NPEPPS: variants seen among roughly 807,000 people sequenced by gnomAD.
The protein encoded by NPEPPS is puromycin-sensitive aminopeptidase.
In NPEPPS, 14 loss-of-function variants were observed where a neutral mutation model predicts 115.5. The observed-to-expected ratio is 0.12, with a 90% CI of 0.08 to 0.19. NPEPPS has a LOEUF of 0.19. Ranked by LOEUF, NPEPPS falls within the 10% of genes least tolerant of loss-of-function variation. The probability of loss-of-function intolerance (pLI) is 1.00; values close to 1 mark genes in which losing one functional copy is unlikely to be tolerated. For missense variants in NPEPPS, 523 were observed against 1,110.8 expected (o/e 0.47, Z 7.52); for synonymous variants, 285 against 390.6 (o/e 0.73, Z 3.19).
intron 2 of NPEPPS, among the ~76,000 whole-genome samples, chr17:47,564,408 A>G (rs1208370814): frequency 6.6e-6 from 1 of 151,908 alleles, no homozygotes; most frequent in East Asian, 1.9e-4. Context: ...TATGATTTTA[A>G]TTTTATAGGT....
rs1914342769 is a variant in NPEPPS, at chr17:47,618,400, C to A, written c.2346C>A (p.Val782=). The A allele has an allele frequency of 1.2e-6, 2 of 1,613,676 alleles. No individual in the cohort carries two copies. Among genetic ancestry groups the A allele is most frequent in the Admixed American group, 3.3e-5 (2 of 59,976 alleles). The change falls in exon 20 of 23, where the codon GTC becomes GTA. Residue 782 remains valine, a synonymous_variant. Transcript: ENST00000322157. ...MQEEKNRIER[V]LGATLLPDLI... ...AAGAGAAAAACCGAATCGAAAGAGT[C>A]CTTGGCGCTACTCTTTTGCCTGACC...
chr17:47,621,961 C>T lies in NPEPPS; in HGVS notation c.*41C>T. On this transcript the variant is annotated 3_prime_UTR_variant, in exon 23 of 23. Coordinates refer to ENST00000322157, the MANE Select transcript of NPEPPS (RefSeq NM_006310.4). ...CATTGGCGGTTCTGCTGCTTCGCTG[C>T]AGGGATAAGGTGGAGCTACCGAACA... 1 of 1,564,786 alleles carries T rather than the reference C, an allele frequency of 6.4e-7. No homozygotes were observed. The highest frequency in any genetic ancestry group is 8.7e-7 in the Non-Finnish European group (1 of 1,151,810).
At chr17:47,602,007 A>G (rs1027495476) in intron 15 of NPEPPS, 2 of 371,638 alleles carry the variant, frequency 5.4e-6, no homozygotes, top group African/African-American at 2.2e-5. Context: ...GTAAGCATAT[A>G]TGAACCAAAA....
chr17:47,590,466 A>G (rs1345788789), intron 9 of NPEPPS, among the ~76,000 whole-genome samples: 4 of 151,850 alleles, frequency 2.6e-5, no homozygotes, highest in Admixed American at 6.5e-5. Context: ...CAAAAAAAAA[A>G]AAAAGAAAAG....
chr17:47,617,892 A>G (rs892434390), intron 19 of NPEPPS, among the ~76,000 whole-genome samples: 1 of 150,466 alleles, frequency 6.6e-6, no homozygotes, highest in Non-Finnish European at 1.5e-5. Context: ...TTTTTCTTTT[A>G]TTTTTGAGAC....
chr17:47,584,399 A>C (rs577743484), intron 5 of NPEPPS, among the ~76,000 whole-genome samples: 2 of 152,288 alleles, frequency 1.3e-5, no homozygotes, highest in African/African-American at 4.8e-5. Context: ...TGAACAGGGT[A>C]AGCATTCCCC....
chr17:47,613,852 A>T, intron 19 of NPEPPS, 127 bp downstream of exon 19: 1 of 630,176 alleles, frequency 1.6e-6, no homozygotes, highest in Admixed American at 3.2e-5. Context: ...ACATGCAAGT[A>T]TTTTAAAACT....
intron 1 of NPEPPS, among the ~76,000 whole-genome samples, chr17:47,534,729 C>T (rs1027649489): frequency 6.6e-6 from 1 of 151,534 alleles, no homozygotes; most frequent in Non-Finnish European, 1.5e-5. Context: ...CCATCACGCC[C>T]AACTAATTTT....
In NPEPPS at chr17:47,612,598, G is replaced by A; in HGVS notation, c.2234G>A (p.Ser745Asn). The change falls in exon 18 of 23, where the codon AGT becomes AAT. Residue 745 changes from serine to asparagine, a missense_variant. By Grantham distance (46) the Ser-to-Asn change is conservative (BLOSUM62 1). This residue lies in a region of NPEPPS where 372 missense variants were observed against 542.6 expected (regional missense o/e 0.69). Transcript: ENST00000322157. ...GKQILSADLR[S>N]PVYLTVLKHG... Reference sequence around the variant, plus strand: ...CAGATTCTCTCCGCTGATCTGAGGAGTCCTGTAGGTTTTCATCATAAATTC... The same window carrying A: ...CAGATTCTCTCCGCTGATCTGAGGAATCCTGTAGGTTTTCATCATAAATTC... 1.2e-6 allele frequency: 2 copies of A among 1,611,924 alleles called. No homozygotes were observed. Among genetic ancestry groups the A allele is most frequent in the South Asian group, 1.1e-5 (1 of 90,902 alleles).
rs762882775 is a variant in NPEPPS, at chr17:47,592,532, G to A, written c.1413G>A (p.Lys471=). ...MNMYLTKFQQ[K]NAATEDLWES... Reference sequence around the variant, plus strand: ...TGTATTTAACCAAGTTCCAACAAAAGAATGCTGCCACAGGTAATCTCTAAT... The same window carrying A: ...TGTATTTAACCAAGTTCCAACAAAAAAATGCTGCCACAGGTAATCTCTAAT... Residue 471 remains lysine, a synonymous_variant, in exon 12 of 23, where the codon AAG becomes AAA. Coordinates refer to ENST00000322157, the MANE Select transcript of NPEPPS (RefSeq NM_006310.4). 1.6e-5 allele frequency: 25 copies of A among 1,595,216 alleles called. No individual in the cohort carries two copies. Among genetic ancestry groups the A allele is most frequent in the Non-Finnish European group, 2.1e-5 (25 of 1,170,072 alleles).
Position 47,558,076 on chromosome 17 carries a change from G to A in NPEPPS, c.341-11341G>A, listed in dbSNP as rs563477059. 1.1e-3 allele frequency among the ~76,000 whole-genome samples: 165 copies of A among 151,796 alleles called. 2 individuals are homozygous for A. The highest frequency in any genetic ancestry group is 3.6e-3 in the African/African-American group (150 of 41,366). On this transcript the variant is annotated intron_variant, in intron 2 of 22. Transcript: ENST00000322157. ...CGAGTAGCTGGGACTTCAGGTGTAC[G>A]CCACCACACGTGGCTCATTTTTGTG...
intron 3 of NPEPPS, among the ~76,000 whole-genome samples, chr17:47,574,439 A>C (rs1911383561): frequency 1.3e-5 from 2 of 152,148 alleles, no homozygotes; most frequent in South Asian, 4.1e-4. Flanking sequence ...AAAAGGAATC[A>C]GTTTATTTGC....
intron 3 of NPEPPS, among the ~76,000 whole-genome samples, chr17:47,574,118 A>G (rs1362453864): frequency 6.6e-6 from 1 of 152,158 alleles, no homozygotes; most frequent in African/African-American, 2.4e-5. Context: ...CGTGTTTCAT[A>G]TGCAGATAAA....
chr17:47,534,199 C>G (rs1167615942), intron 1 of NPEPPS, among the ~76,000 whole-genome samples: 1 of 151,992 alleles, frequency 6.6e-6, no homozygotes, highest in Non-Finnish European at 1.5e-5. Flanking sequence ...TCACGCCATT[C>G]TCCTGCTTCA....
chr17:47,619,263 G>A (rs1158808008), intron 21 of NPEPPS, 99 bp downstream of exon 21: 3 of 1,229,994 alleles, frequency 2.4e-6, no homozygotes, highest in African/African-American at 3.0e-5. Context: ...CTCTTTAAAT[G>A]TTTCCTGTGG....
Position 47,619,051 on chromosome 17 carries a change from G to A in NPEPPS, c.2446G>A (p.Val816Ile). ...PQDTVSVIGGVAGGSKHGRKA... is the reference protein window; with the variant it reads ...PQDTVSVIGGIAGGSKHGRKA... ...GGACACTGTATCGGTAATTGGTGGA[G>A]TAGCTGGAGGCAGCAAGCATGGTAG... Residue 816 changes from valine (V) to isoleucine (I), a missense_variant, in exon 21 of 23, where the codon GTA (valine) becomes ATA (isoleucine). Transcript: ENST00000322157. The A allele has an allele frequency of 1.9e-6, 3 of 1,614,004 alleles. No individual in the cohort carries two copies. The highest frequency in any genetic ancestry group is 1.7e-6 in the Non-Finnish European group (2 of 1,179,884).
intron 19 of NPEPPS, among the ~76,000 whole-genome samples, chr17:47,615,026 C>T (rs187619534): frequency 2.3e-4 from 35 of 151,296 alleles, no homozygotes; most frequent in East Asian, 1.6e-3. Context: ...GAAACTGTAC[C>T]TCAAAATGTA....
intron 2 of NPEPPS, among the ~76,000 whole-genome samples, chr17:47,552,139 T>A (rs1909699257): frequency 6.6e-6 from 1 of 150,704 alleles, no homozygotes; most frequent in African/African-American, 2.4e-5. Context: ...GCTAATTTTT[T>A]AATTTTTGTA....
Position 47,621,909 on chromosome 17 carries a change from C to A in NPEPPS, c.2749C>A (p.Pro917Thr). ...CCTCCTTCAGCGGAAGGCCTCACCACCCACAGTGTGAATCCTGAGGTGCCG... is the reference window on the plus strand; with the variant it reads ...CCTCCTTCAGCGGAAGGCCTCACCAACCACAGTGTGAATCCTGAGGTGCCG... Reference protein sequence around the residue: ...QYLLQRKASPPTV With the variant: ...QYLLQRKASPTTV Residue 917 changes from proline (P) to threonine (T), a missense_variant, in exon 23 of 23, where the codon CCC (proline) becomes ACC (threonine). Physicochemically the swap from Pro to Thr is conservative, Grantham distance 38 (BLOSUM62 -1). Coordinates refer to ENST00000322157, the MANE Select transcript of NPEPPS (RefSeq NM_006310.4). The A allele has an allele frequency of 6.2e-7, 1 of 1,611,824 alleles. No homozygotes were observed. Among genetic ancestry groups the A allele is most frequent in the Non-Finnish European group, 8.5e-7 (1 of 1,178,852 alleles).
Sources: allele counts gnomAD v4.1 joint callset (sites outside exome capture counted in the v4.1 genomes callset), GRCh38; gene constraint gnomAD v4.1.1; regional missense constraint gnomAD v4.1.1; transcripts MANE v1.5; gene names NCBI Gene and HGNC (gene_info 2026-07-23, HGNC 2026-07-21).